ZDHHC12: variants seen among roughly 807,000 people sequenced by gnomAD.
The protein encoded by ZDHHC12 is zDHHC palmitoyltransferase 12.
In ZDHHC12, 26 loss-of-function variants were observed where a neutral mutation model predicts 33.2. The ratio of observed to expected loss-of-function variants is 0.78; its 90% CI spans 0.57 to 1.09. The LOEUF (loss-of-function observed/expected upper bound fraction) is 1.09. ZDHHC12 is among the 50% of genes least tolerant of loss of function. ZDHHC12 has a pLI of 0.00. For synonymous variants in ZDHHC12, 154 were observed against 152.1 expected (o/e 1.01, Z -0.09); for missense variants, 350 against 353.0 (o/e 0.99, Z 0.07).
chr9:128,723,966 G>A lies in ZDHHC12; in HGVS notation c.100+28C>T, dbSNP rs767883772. The A allele has an allele frequency of 5.6e-6, 9 of 1,603,398 alleles. No homozygotes were observed. The South Asian group carries it at 6.7e-5, about 12-fold the overall frequency. On this transcript the variant is annotated intron_variant, in intron 1 of 4. Coordinates refer to ENST00000372663, the MANE Select transcript of ZDHHC12 (RefSeq NM_032799.5). The surrounding 1 kb of genome is among the most constrained non-coding windows in gnomAD (Gnocchi z 4.4). ...TGGGGAAGTACGCGGGATCGGGTGG[G>A]TCCGGGGTCGCTCGGGGTCCGGCTC...
Position 128,721,072 on chromosome 9 carries a change from G to C in ZDHHC12, c.*109C>G. On this transcript the variant is annotated 3_prime_UTR_variant, in exon 5 of 5. Transcript: ENST00000372663. The surrounding 1 kb of genome is among the most constrained non-coding windows in gnomAD (Gnocchi z 6.9). ...GACTTGAAGCTCCGTTCTGGGGTCT[G>C]GGAGGCGTGGGCAGGAGTGAGGGCC... is the stretch of plus-strand genomic sequence containing the variant. 8.8e-7 allele frequency: 1 copy of C among 1,130,002 alleles called. No homozygotes were observed. The highest frequency in any genetic ancestry group is 1.2e-6 in the Non-Finnish European group (1 of 821,534). The allele number at this position is 1,130,002 out of a possible 1,614,324, so 70.0% of individuals were successfully genotyped here.
rs1238695381 is a variant in ZDHHC12 at position 128,723,758 on chromosome 9, G to C, written c.100+236C>G. ...TGGGCACCGGCTGGGTCCTGGGATG[G>C]ACAGGGCATTTGGCAATGATCAGGA... On this transcript the variant is annotated intron_variant, in intron 1 of 4. Coordinates refer to ENST00000372663, the MANE Select transcript of ZDHHC12 (RefSeq NM_032799.5). The surrounding 1 kb of genome is among the most constrained non-coding windows in gnomAD (Gnocchi z 4.4). 1.6e-6 allele frequency: 1 copy of C among 645,070 alleles called. No homozygotes were observed. Among genetic ancestry groups the C allele is most frequent in the Non-Finnish European group, 2.6e-6 (1 of 391,954 alleles). 40.0% of individuals were successfully genotyped at this position (645,070 alleles called of 1,614,324 possible).
Position 128,722,633 on chromosome 9 carries a change from T to G in ZDHHC12, c.101-59A>C, listed in dbSNP as rs960870804. 6.4e-7 allele frequency: 1 copy of G among 1,560,124 alleles called. No individual in the cohort carries two copies. The highest frequency in any genetic ancestry group is 2.4e-5 in the East Asian group (1 of 42,176). ...CGGGTAGAACAGGAGTGGGTGGGGT[T>G]GGGGTGCAGTTGGAGGTGGGGAAGT... On this transcript the variant is annotated intron_variant, in intron 1 of 4. Transcript: ENST00000372663. This position sits in a 1 kb window ranked among gnomAD's most constrained non-coding sequence, Gnocchi z 4.2.
In ZDHHC12 at chr9:128,721,104, C is replaced by A; in HGVS notation, c.*77G>T. ...GTGGGCAGGAGTGAGGGCCCCAGGCCCTCTGAGCGCTCACCCCAGCTGGGG... is the reference window on the plus strand; with the variant it reads ...GTGGGCAGGAGTGAGGGCCCCAGGCACTCTGAGCGCTCACCCCAGCTGGGG... On this transcript the variant is annotated 3_prime_UTR_variant, in exon 5 of 5. Transcript: ENST00000372663. This position sits in a 1 kb window ranked among gnomAD's most constrained non-coding sequence, Gnocchi z 6.9. The A allele has an allele frequency of 7.1e-7, 1 of 1,408,824 alleles. No individual in the cohort carries two copies. Among genetic ancestry groups the A allele is most frequent in the Non-Finnish European group, 9.3e-7 (1 of 1,071,518 alleles). 87.3% of individuals were successfully genotyped at this position (1,408,824 alleles called of 1,614,324 possible).
Position 128,723,029 on chromosome 9 carries a change from T to G in ZDHHC12, c.101-455A>C. The G allele has an allele frequency of 5.5e-6, 1 of 181,352 alleles. No homozygotes were observed. Among genetic ancestry groups the G allele is most frequent in the Non-Finnish European group, 1.1e-5 (1 of 87,182 alleles). The allele number at this position is 181,352 out of a possible 1,614,324, so 11.2% of individuals were successfully genotyped here. A position where few individuals can be genotyped will look rare whatever the true frequency, so the allele number is the denominator to read the frequency against. On this transcript the variant is annotated intron_variant, in intron 1 of 4. Transcript: ENST00000372663. This position sits in a 1 kb window ranked among gnomAD's most constrained non-coding sequence, Gnocchi z 4.4. ...TTAGGTCTGAAATGCCTGAGAGAGA[T>G]ACAGTGGGAAGGGTGCAGCTGGCAG...
rs560223904 is a variant in ZDHHC12 at position 128,722,860 on chromosome 9, A to G, written c.101-286T>C. On this transcript the variant is annotated intron_variant, in intron 1 of 4. Coordinates refer to ENST00000372663, the MANE Select transcript of ZDHHC12 (RefSeq NM_032799.5). This position sits in a 1 kb window ranked among gnomAD's most constrained non-coding sequence, Gnocchi z 4.2. ...AGAGAATCTGGCCAGGAGGAAGAAG[A>G]GAGTCGCTACAAAGGCCTGGCAGGA... 4.9e-5 allele frequency: 47 copies of G among 960,128 alleles called. No individual in the cohort carries two copies. The African/African-American group carries it at 6.9e-4, about 14-fold the overall frequency. The allele number at this position is 960,128 out of a possible 1,614,324, so 59.5% of individuals were successfully genotyped here.
In ZDHHC12 at chr9:128,722,806, A is replaced by G; in HGVS notation, c.101-232T>C. 2 of 1,354,416 alleles carry G rather than the reference A, an allele frequency of 1.5e-6. No individual in the cohort carries two copies. The highest frequency in any genetic ancestry group is 6.0e-5 in the East Asian group (2 of 33,278). The allele number at this position is 1,354,416 out of a possible 1,614,324, so 83.9% of individuals were successfully genotyped here. A position where few individuals can be genotyped will look rare whatever the true frequency, so the allele number is the denominator to read the frequency against. ...TCTGTTTTGGAAAACCTCATTGCTA[A>G]AGAAATGGATCAGGGGAAGCCTGGG... On this transcript the variant is annotated intron_variant, in intron 1 of 4. Coordinates refer to ENST00000372663, the MANE Select transcript of ZDHHC12 (RefSeq NM_032799.5). This position sits in a 1 kb window ranked among gnomAD's most constrained non-coding sequence, Gnocchi z 4.2.
rs1554782344 is a variant in ZDHHC12 at position 128,723,848 on chromosome 9, T to C, written c.100+146A>G. 5 of 1,253,124 alleles carry C rather than the reference T, an allele frequency of 4.0e-6. No homozygotes were observed. The highest frequency in any genetic ancestry group is 2.6e-5 in the East Asian group (1 of 37,738). 77.6% of individuals were successfully genotyped at this position (1,253,124 alleles called of 1,614,324 possible). ...AGAGAGCAGGTGGCTCTTGGAATGA[T>C]AGATGGGGAGAGGGCTTCAGGAGCT... On this transcript the variant is annotated intron_variant, in intron 1 of 4. Transcript: ENST00000372663. This position sits in a 1 kb window ranked among gnomAD's most constrained non-coding sequence, Gnocchi z 4.4.
In ZDHHC12 at chr9:128,721,495, G is replaced by A. The variant is rs1454505936; in HGVS notation, c.490C>T (p.Leu164Phe). The change falls in exon 5 of 5, where the codon CTC becomes TTC. Residue 164 changes from leucine to phenylalanine, a missense_variant. Leu to Phe is a conservative substitution (Grantham distance 22). Coordinates refer to ENST00000372663, the MANE Select transcript of ZDHHC12 (RefSeq NM_032799.5). The surrounding 1 kb of genome is among the most constrained non-coding windows in gnomAD (Gnocchi z 6.9). Reference protein sequence around the residue: ...LWGLYLAWSGLRFFQPWGQWL... With the variant: ...LWGLYLAWSGFRFFQPWGQWL... ...TGACCCCAGGGCTGGAAGAACCGGA[G>A]GCCTGACCTGCGGTGCAGGGGACAG... The A allele has an allele frequency of 6.2e-7, 1 of 1,600,356 alleles. No individual in the cohort carries two copies. Among genetic ancestry groups the A allele is most frequent in the Admixed American group, 1.8e-5 (1 of 56,754 alleles).
At position 128,721,987 on chromosome 9, in the gene ZDHHC12, C is replaced by CG; in HGVS notation, c.315+21dup. The CG allele has an allele frequency of 6.2e-7, 1 of 1,613,908 alleles. No individual in the cohort carries two copies. Among genetic ancestry groups the CG allele is most frequent in the Non-Finnish European group, 8.5e-7 (1 of 1,179,946 alleles). ...CTCAGCTTTGGCCCAACCTCTCCCA[C>CG]GGGTGTCCGTGCATCACTCACCAGC... is the stretch of plus-strand genomic sequence containing the variant. On this transcript the variant is annotated intron_variant, in intron 3 of 4. Coordinates refer to ENST00000372663, the MANE Select transcript of ZDHHC12 (RefSeq NM_032799.5). This position sits in a 1 kb window ranked among gnomAD's most constrained non-coding sequence, Gnocchi z 6.9.
In ZDHHC12 at chr9:128,723,866, C is replaced by T; in HGVS notation, c.100+128G>A. The T allele has an allele frequency of 7.1e-7, 1 of 1,404,544 alleles. No individual in the cohort carries two copies. Among genetic ancestry groups the T allele is most frequent in the South Asian group, 1.4e-5 (1 of 71,834 alleles). 87.0% of individuals were successfully genotyped at this position (1,404,544 alleles called of 1,614,324 possible). On this transcript the variant is annotated intron_variant, in intron 1 of 4. Transcript: ENST00000372663. This position sits in a 1 kb window ranked among gnomAD's most constrained non-coding sequence, Gnocchi z 4.4. Reference sequence around the variant, plus strand: ...GGAATGATAGATGGGGAGAGGGCTTCAGGAGCTGGTGGAGATCGGGCCAAT... The same window carrying T: ...GGAATGATAGATGGGGAGAGGGCTTTAGGAGCTGGTGGAGATCGGGCCAAT...
rs1862636777 is a variant in ZDHHC12, at chr9:128,723,679, C to G, written c.100+315G>C. The G allele has an allele frequency of 2.1e-6, 1 of 465,376 alleles. No individual in the cohort carries two copies. Among genetic ancestry groups the G allele is most frequent in the Non-Finnish European group, 3.8e-6 (1 of 261,752 alleles). The allele number at this position is 465,376 out of a possible 1,614,324, so 28.8% of individuals were successfully genotyped here. ...TTTGGGGTCAGTTCCTGGGAAGGAT[C>G]ATGTGGGTCCCAGGATCAGGGGACA... On this transcript the variant is annotated intron_variant, in intron 1 of 4. Coordinates refer to ENST00000372663, the MANE Select transcript of ZDHHC12 (RefSeq NM_032799.5). This position sits in a 1 kb window ranked among gnomAD's most constrained non-coding sequence, Gnocchi z 4.4.
chr9:128,721,703 C>A lies in ZDHHC12; in HGVS notation c.430G>T (p.Val144Phe). Reference protein sequence around the residue: ...VGERNHPLFVVYLALQLVVLL... With the variant: ...VGERNHPLFVFYLALQLVVLL... ...ACCACCAGCTGCAGCGCCAGGTAGA[C>A]CACAAAGAGTGGGTGGTTGCGCTCT... The change falls in exon 4 of 5, where the codon GTC becomes TTC. Residue 144 changes from valine (V) to phenylalanine (F), a missense_variant. Coordinates refer to ENST00000372663, the MANE Select transcript of ZDHHC12 (RefSeq NM_032799.5). This position sits in a 1 kb window ranked among gnomAD's most constrained non-coding sequence, Gnocchi z 6.9. 1.2e-6 allele frequency: 2 copies of A among 1,613,942 alleles called. No individual in the cohort carries two copies. Among genetic ancestry groups the A allele is most frequent in the Non-Finnish European group, 8.5e-7 (1 of 1,180,000 alleles).
chr9:128,721,080 T>C lies in ZDHHC12; in HGVS notation c.*101A>G, dbSNP rs1862529162. On this transcript the variant is annotated 3_prime_UTR_variant, in exon 5 of 5. Transcript: ENST00000372663. This position sits in a 1 kb window ranked among gnomAD's most constrained non-coding sequence, Gnocchi z 6.9. ...GCTCCGTTCTGGGGTCTGGGAGGCG[T>C]GGGCAGGAGTGAGGGCCCCAGGCCC... 2 of 1,217,632 alleles carry C rather than the reference T, an allele frequency of 1.6e-6. No individual in the cohort carries two copies. Among genetic ancestry groups the C allele is most frequent in the Admixed American group, 2.9e-5 (1 of 34,046 alleles). The allele number at this position is 1,217,632 out of a possible 1,614,324, so 75.4% of individuals were successfully genotyped here.
In ZDHHC12 at chr9:128,721,385, C is replaced by T. The variant is rs1268472393; in HGVS notation, c.600G>A (p.Ser200=). Residue 200 remains serine, a synonymous_variant, in exon 5 of 5, where the codon TCG becomes TCA. Transcript: ENST00000372663. This position sits in a 1 kb window ranked among gnomAD's most constrained non-coding sequence, Gnocchi z 6.9. ...TGTTGCTGGCCACCAGGTAGAGGTGCGAGACGAGGAGCAGGCTGGCCACCA... is the reference window on the plus strand; with the variant it reads ...TGTTGCTGGCCACCAGGTAGAGGTGTGAGACGAGGAGCAGGCTGGCCACCA... ...FSLVASLLLV[S]HLYLVASNTT... 6.3e-7 allele frequency: 1 copy of T among 1,581,822 alleles called. No individual in the cohort carries two copies. The highest frequency in any genetic ancestry group is 2.3e-5 in the East Asian group (1 of 43,620).
chr9:128,720,954 C>A lies in ZDHHC12; in HGVS notation c.*227G>T. On this transcript the variant is annotated 3_prime_UTR_variant, in exon 5 of 5. Transcript: ENST00000372663. The surrounding 1 kb of genome is among the most constrained non-coding windows in gnomAD (Gnocchi z 5.5). Reference sequence around the variant, plus strand: ...AGCCTGGGCGGGGCTGGGGTGGAGCCCGGGGTCTGCTTGGGCCTGAGCCAC... The same window carrying A: ...AGCCTGGGCGGGGCTGGGGTGGAGCACGGGGTCTGCTTGGGCCTGAGCCAC... 1 of 600,442 alleles carries A rather than the reference C, an allele frequency of 1.7e-6. No homozygotes were observed. Among genetic ancestry groups the A allele is most frequent in the Non-Finnish European group, 2.9e-6 (1 of 347,506 alleles). 37.2% of individuals were successfully genotyped at this position (600,442 alleles called of 1,614,324 possible). A position where few individuals can be genotyped will look rare whatever the true frequency, so the allele number is the denominator to read the frequency against.
At position 128,722,316 on chromosome 9, in the gene ZDHHC12, C is replaced by T. The variant is rs1272741784; in HGVS notation, c.237+122G>A. 2 of 1,284,216 alleles carry T rather than the reference C, an allele frequency of 1.6e-6. No homozygotes were observed. Among genetic ancestry groups the T allele is most frequent in the Non-Finnish European group, 2.1e-6 (2 of 947,476 alleles). The allele number at this position is 1,284,216 out of a possible 1,614,324, so 79.6% of individuals were successfully genotyped here. A position where few individuals can be genotyped will look rare whatever the true frequency, so the allele number is the denominator to read the frequency against. On this transcript the variant is annotated intron_variant, in intron 2 of 4. Transcript: ENST00000372663. This position sits in a 1 kb window ranked among gnomAD's most constrained non-coding sequence, Gnocchi z 4.2. ...AGTTTCCTCACTACTGTAGATGGGG[C>T]TCTAGGGGTGGCAAGAGGAGTCACT...
In ZDHHC12 at chr9:128,722,491, G is replaced by A. The variant is rs1397764074; in HGVS notation, c.184C>T (p.Leu62Phe). 6.4e-7 allele frequency: 1 copy of A among 1,573,008 alleles called. No individual in the cohort carries two copies. Among genetic ancestry groups the A allele is most frequent in the Admixed American group, 1.9e-5 (1 of 53,966 alleles). Residue 62 changes from leucine to phenylalanine, a missense_variant, in exon 2 of 5, where the codon CTC (leucine) becomes TTC (phenylalanine). Transcript: ENST00000372663. This position sits in a 1 kb window ranked among gnomAD's most constrained non-coding sequence, Gnocchi z 4.2. ...LLVLGSLLLYLAVSLMDPGYV... is the reference protein window; with the variant it reads ...LLVLGSLLLYFAVSLMDPGYV... ...CCAGGGTCCATGAGTGACACAGCGA[G>A]GTAGAGCAGCAGGGAGCCCAGCACC...
rs1315327360 is a variant in ZDHHC12, at chr9:128,721,779, A to T, written c.354T>A (p.Arg118=). The change falls in exon 4 of 5, where the codon CGT becomes CGA. Residue 118 remains arginine, a synonymous_variant. Coordinates refer to ENST00000372663, the MANE Select transcript of ZDHHC12 (RefSeq NM_032799.5). The surrounding 1 kb of genome is among the most constrained non-coding windows in gnomAD (Gnocchi z 6.9). The part of the protein sequence containing the change: ...LRARHCRECR[R]CVRRYDHHCP... The stretch of plus-strand genomic sequence containing the variant: ...AGTGGTGGTCGTAGCGGCGGACGCA[A>T]CGGCGGCACTCACGGCAGTGCCGAG... 6.2e-7 allele frequency: 1 copy of T among 1,613,478 alleles called. No individual in the cohort carries two copies.
Sources: gnomAD v4.1 joint callset for allele counts on GRCh38, gnomAD v4.1.1 for gene constraint, Gnocchi (gnomAD v3.1) non-coding constraint, MANE v1.5 for transcripts, NCBI Gene and HGNC (gene_info 2026-07-23, HGNC 2026-07-21) for gene names.